The following GABBR2 variants were observed in gnomAD, a reference collection of about 807,000 sequenced individuals.
The protein encoded by GABBR2 is G-protein coupled receptor 51.
A neutral mutation model predicts 105.6 loss-of-function variants in GABBR2; 23 were observed. The ratio of observed to expected loss-of-function variants is 0.22; its 90% CI spans 0.16 to 0.31. GABBR2 has a LOEUF of 0.31. Among genes scored for constraint, GABBR2 ranks in the 10% least tolerant of loss-of-function variants. The pLI is 1.00. For synonymous variants in GABBR2, 478 were observed against 499.7 expected, an observed-to-expected ratio of 0.96 and a Z score of 0.58; for missense variants, 734 against 1,245.5, an observed-to-expected ratio of 0.59 and a Z score of 6.18.
chr9:98,354,691 G>A (rs896668730), intron 13 of GABBR2, among the ~76,000 whole-genome samples: 1 of 152,180 alleles, frequency 6.6e-6, no homozygotes, highest in Non-Finnish European at 1.5e-5. Flanking sequence ...AAGAGATCTA[G>A]TTCACTGAGA....
chr9:98,604,409 G>C (rs765969221), intron 1 of GABBR2, among the ~76,000 whole-genome samples: 1 of 152,046 alleles, frequency 6.6e-6, no homozygotes. Flanking sequence ...CTCCAACATC[G>C]CCCTCACCCT....
chr9:98,430,513 G>C (rs1463427047), intron 7 of GABBR2, among the ~76,000 whole-genome samples: 2 of 152,146 alleles, frequency 1.3e-5, no homozygotes, highest in East Asian at 3.9e-4. Context: ...CACCCAACGT[G>C]GTGGGAACAT....
chr9:98,445,871 C>A (rs1385086425), intron 7 of GABBR2, among the ~76,000 whole-genome samples: 1 of 152,224 alleles, frequency 6.6e-6, no homozygotes, highest in Non-Finnish European at 1.5e-5. Context: ...GGGTGGGACA[C>A]CATCAGCATC....
rs114692903 is a variant in GABBR2 at position 98,356,780 on chromosome 9, A to C, written c.1893+5935T>G. Among the ~76,000 whole-genome samples the C allele has an allele frequency of 2.6e-3, 390 of 152,344 alleles. 2 individuals carry two copies. The highest frequency in any genetic ancestry group is 8.9e-3 in the African/African-American group (372 of 41,574). On this transcript the variant is annotated intron_variant, in intron 13 of 18. Coordinates refer to ENST00000259455, the MANE Select transcript of GABBR2 (RefSeq NM_005458.8). The stretch of plus-strand genomic sequence containing the variant: ...AACTAAGATGCCCTTCGGTGGGTGA[A>C]TGAATAAACAATCTGTGGTACATCC...
chr9:98,484,968 G>A lies in GABBR2; in HGVS notation c.733-3971C>T, dbSNP rs145384514. Among the ~76,000 whole-genome samples, 428 of 152,324 alleles carry A rather than the reference G, an allele frequency of 2.8e-3. 3 individuals are homozygous for A. The highest frequency in any genetic ancestry group is 9.9e-3 in the African/African-American group (412 of 41,568). On this transcript the variant is annotated intron_variant, in intron 4 of 18. Coordinates refer to ENST00000259455, the MANE Select transcript of GABBR2 (RefSeq NM_005458.8). The stretch of plus-strand genomic sequence containing the variant: ...TGGGCCCATTCTCTTATGCTGAAAG[G>A]GCTTGGGGCAGTTTAGGCAGTAGTA...
At chr9:98,629,693 C>T (rs1046541810) in intron 1 of GABBR2, among the ~76,000 whole-genome samples, 1 of 152,152 alleles carries the variant, frequency 6.6e-6, no homozygotes, top group African/African-American at 2.4e-5. Flanking sequence ...AATTGGCTCA[C>T]CCCTTTTTTC....
intron 2 of GABBR2, among the ~76,000 whole-genome samples, chr9:98,544,240 C>T (rs1342577050): frequency 2.0e-5 from 3 of 152,122 alleles, no homozygotes; most frequent in African/African-American, 4.8e-5. Flanking sequence ...GTTGCTTTAC[C>T]GCTTCTTCTG....
intron 16 of GABBR2, among the ~76,000 whole-genome samples, chr9:98,300,520 T>A (rs545318132): frequency 1.2e-4 from 18 of 151,958 alleles, no homozygotes; most frequent in Non-Finnish European, 2.1e-4. Flanking sequence ...GCAATATGAG[T>A]GTTGGTAGTT....
chr9:98,580,268 C>T (rs555181645), intron 1 of GABBR2, among the ~76,000 whole-genome samples: 4 of 152,270 alleles, frequency 2.6e-5, no homozygotes, highest in African/African-American at 7.2e-5. Flanking sequence ...TCAGGTCACC[C>T]TCCCCAAAAT....
chr9:98,559,109 A>G (rs371659674), intron 2 of GABBR2, among the ~76,000 whole-genome samples: 2 of 151,988 alleles, frequency 1.3e-5, no homozygotes, highest in African/African-American at 4.8e-5. Flanking sequence ...TTTAGTAATT[A>G]TATGTTTAAT....
rs1327227228 is a variant in GABBR2 at position 98,554,498 on chromosome 9, G to A, written c.460-12455C>T. Among the ~76,000 whole-genome samples the A allele has an allele frequency of 5.3e-5, 8 of 152,098 alleles. No homozygotes were observed. In the East Asian group the frequency reaches 5.8e-4, roughly 11 times the overall value. ...AAAACATATGAAACAAAAATCGTAC[G>A]TATATTTAAAAACATTCTTCATCCT... On this transcript the variant is annotated intron_variant, in intron 2 of 18. Coordinates refer to ENST00000259455, the MANE Select transcript of GABBR2 (RefSeq NM_005458.8).
At chr9:98,331,133 G>A (rs754349136) in intron 13 of GABBR2, among the ~76,000 whole-genome samples, 2 of 152,082 alleles carry the variant, frequency 1.3e-5, no homozygotes, top group Non-Finnish European at 2.9e-5. Context: ...ACCACATTTT[G>A]TTTATTCATT....
chr9:98,337,342 C>T (rs901082138), intron 13 of GABBR2, among the ~76,000 whole-genome samples: 3 of 152,038 alleles, frequency 2.0e-5, no homozygotes, highest in Non-Finnish European at 4.4e-5. Context: ...TTAAAGAAGA[C>T]CTAAATAAAT....
intron 4 of GABBR2, among the ~76,000 whole-genome samples, chr9:98,492,018 G>T (rs375228876): frequency 1.3e-5 from 2 of 152,042 alleles, no homozygotes; most frequent in East Asian, 3.9e-4. Flanking sequence ...ATACCTCCCA[G>T]TTGCTCCACT....
Position 98,363,279 on chromosome 9 carries a change from ACTTAAT to A in GABBR2, c.1771-448_1771-443del, listed in dbSNP as rs972756420. Among the ~76,000 whole-genome samples the A allele has an allele frequency of 2.4e-3, 367 of 152,278 alleles. 2 individuals carry two copies. The highest frequency in any genetic ancestry group is 8.6e-3 in the African/African-American group (356 of 41,558). On this transcript the variant is annotated intron_variant, in intron 12 of 18. Coordinates refer to ENST00000259455, the MANE Select transcript of GABBR2 (RefSeq NM_005458.8). ...TTACTCCATAGCGCTTTGTCCACAT[ACTTAAT>A]TATCAGGAGGAACCACAGTAGTAAC...
intron 2 of GABBR2, among the ~76,000 whole-genome samples, chr9:98,543,453 C>T (rs1271890235): frequency 2.6e-5 from 4 of 152,092 alleles, no homozygotes; most frequent in African/African-American, 9.7e-5. Context: ...CAGCCTGGAA[C>T]TCCTGGGTTC....
chr9:98,411,508 C>CT (rs1832590117), intron 7 of GABBR2, among the ~76,000 whole-genome samples: 1 of 151,994 alleles, frequency 6.6e-6, no homozygotes, highest in African/African-American at 2.4e-5. Context: ...CAAGGGGTAA[C>CT]TTATTGTAAA....
chr9:98,377,137 C>T (rs1023731937), intron 11 of GABBR2, among the ~76,000 whole-genome samples: 2 of 152,126 alleles, frequency 1.3e-5, no homozygotes, highest in African/African-American at 4.8e-5. Context: ...GGCCTTTCTT[C>T]CTGTTCCCCC....
At position 98,436,321 on chromosome 9, in the gene GABBR2, T is replaced by A. The variant is rs1306390597; in HGVS notation, c.1236+17660A>T. Among the ~76,000 whole-genome samples the A allele has an allele frequency of 2.2e-3, 107 of 49,530 alleles. 1 individual carries two copies. Among genetic ancestry groups the A allele is most frequent in the African/African-American group, 2.6e-3 (24 of 9,352 alleles). The allele number at this position is 49,530 out of a possible 152,430, so 32.5% of individuals were successfully genotyped here. A position where few individuals can be genotyped will look rare whatever the true frequency, so the allele number is the denominator to read the frequency against. ...TATATATACCCATAAATATACCATA[T>A]ATATATATATACACACACACACACA... is the stretch of plus-strand genomic sequence containing the variant. On this transcript the variant is annotated intron_variant, in intron 7 of 18. Transcript: ENST00000259455.
Sources: allele counts gnomAD v4.1 joint callset (sites outside exome capture counted in the v4.1 genomes callset), GRCh38; gene constraint gnomAD v4.1.1; transcripts MANE v1.5; gene names NCBI Gene and HGNC (gene_info 2026-07-23, HGNC 2026-07-21).